C12orf76: variants seen among roughly 807,000 people sequenced by gnomAD.
C12orf76 encodes uncharacterized protein C12orf76.
Under a neutral mutation model 6.8 loss-of-function variants are expected in C12orf76, and 6 were observed. That is an observed-to-expected ratio of 0.88 (90% CI 0.48 to 1.73). The LOEUF (loss-of-function observed/expected upper bound fraction) is 1.73. Among genes scored for constraint, C12orf76 ranks in the 40% most tolerant of loss-of-function variants. C12orf76 has a pLI of 0.01. For synonymous variants in C12orf76, 56 were observed against 43.7 expected (o/e 1.28, Z -1.11); for missense variants, 99 against 98.2 (o/e 1.01, Z -0.03).
upstream of C12orf76, among the ~76,000 whole-genome samples, chr12:110,072,577 T>A (rs1465405483): frequency 2.6e-5 from 4 of 151,604 alleles, no homozygotes; most frequent in Non-Finnish European, 5.9e-5. Flanking sequence ...CTGAAAACCA[T>A]TAAATTGTAC....
At chr12:110,066,060 G>A (rs1171968074) in intron 1 of C12orf76, 2 of 1,511,204 alleles carry the variant, frequency 1.3e-6, no homozygotes, top group Non-Finnish European at 1.8e-6. Context: ...GGATGAGAAT[G>A]TGGCAGACCT....
chr12:110,050,843 G>T (rs183207348), upstream of C12orf76: 238 of 603,594 alleles, frequency 3.9e-4, 2 homozygotes, highest in East Asian at 6.0e-3. Context: ...TCTTTCTTGC[G>T]CTAGATCCAA....
chr12:110,048,526 A>C, upstream of C12orf76: 2 of 1,383,320 alleles, frequency 1.4e-6, no homozygotes, highest in South Asian at 3.2e-5. Flanking sequence ...CAGAGAGGCC[A>C]CTTCCGTCGC....
In C12orf76 at chr12:110,054,760, G is replaced by C. The variant is rs1892641385; in HGVS notation, n.664+2429C>G. On this transcript the variant is annotated intron_variant and non_coding_transcript_variant, in intron 4 of 4. Transcript: ENST00000309050. The surrounding 1 kb of genome is among the most constrained non-coding windows in gnomAD (Gnocchi z 4.4). ...ACATATGTAGACATATATGTGTTTAGAAATATAAAAACAAACAAGGGAATG... is the reference window on the plus strand; with the variant it reads ...ACATATGTAGACATATATGTGTTTACAAATATAAAAACAAACAAGGGAATG... 6.6e-6 allele frequency among the ~76,000 whole-genome samples: 1 copy of C among 152,206 alleles called. No homozygotes were observed. Among genetic ancestry groups the C allele is most frequent in the Non-Finnish European group, 1.5e-5 (1 of 68,042 alleles).
At chr12:110,044,038 A>AG (rs60108546) in intron 1 of C12orf76, 22 of 151,224 alleles carry the variant, frequency 1.5e-4, no homozygotes, top group African/African-American at 4.7e-4. Context: ...AAATAAAGAA[A>AG]AAAAAAAACT....
exon 2 of C12orf76, chr12:110,065,946 G>A: frequency 5.0e-6 from 8 of 1,613,724 alleles, no homozygotes; most frequent in East Asian, 2.2e-5. Context: ...CGTGTATCAC[G>A]TGGCTGGATT....
chr12:110,055,647 A>G (rs1408593311), intron 4 of C12orf76, among the ~76,000 whole-genome samples: 1 of 152,122 alleles, frequency 6.6e-6, no homozygotes, highest in Non-Finnish European at 1.5e-5. Context: ...GGGAGACCGG[A>G]GTTTTATTAT....
upstream of C12orf76, chr12:110,049,130 C>T (rs1397680335): frequency 6.6e-6 from 1 of 152,268 alleles, no homozygotes; most frequent in Non-Finnish European, 1.5e-5. Context: ...TGTTCTTGCT[C>T]TCTGCTCTGT....
chr12:110,052,617 G>A (rs1276319737), upstream of C12orf76, among the ~76,000 whole-genome samples: 3 of 152,176 alleles, frequency 2.0e-5, no homozygotes, highest in African/African-American at 4.8e-5. Context: ...GTGCCATCGC[G>A]TCCAGCCTAA....
At chr12:110,068,894 G>A (rs534348941), upstream of C12orf76, among the ~76,000 whole-genome samples, 1 of 152,092 alleles carries the variant, frequency 6.6e-6, no homozygotes, top group Non-Finnish European at 1.5e-5. Flanking sequence ...ACACCCCATT[G>A]GTATACCCGC....
At chr12:110,072,710 G>C (rs536296200) in intron 1 of C12orf76, among the ~76,000 whole-genome samples, 1 of 152,072 alleles carries the variant, frequency 6.6e-6, no homozygotes, top group Non-Finnish European at 1.5e-5. Context: ...ATCACATGAG[G>C]TCAGGAGTTC....
At chr12:110,073,336 A>G (rs923004308) in intron 1 of C12orf76, 4 of 473,160 alleles carry the variant, frequency 8.5e-6, no homozygotes, top group Non-Finnish European at 1.7e-5. Context: ...TGTGAGATTC[A>G]GAATGTGCAC....
intron 4 of C12orf76, chr12:110,056,949 CT>C (rs1892678805): frequency 6.0e-6 from 3 of 498,098 alleles, no homozygotes; most frequent in Non-Finnish European, 1.1e-5. Context: ...TCGAATATGT[CT>C]TTATTAGCAG....
upstream of C12orf76, among the ~76,000 whole-genome samples, chr12:110,053,100 G>A (rs1892609905): frequency 6.6e-6 from 1 of 151,822 alleles, no homozygotes; most frequent in African/African-American, 2.4e-5. Flanking sequence ...GCTGAGGCAG[G>A]AGAATCACTT....
At chr12:110,061,925 G>A (rs1566078085) in intron 2 of C12orf76, among the ~76,000 whole-genome samples, 1 of 152,116 alleles carries the variant, frequency 6.6e-6, no homozygotes, top group African/African-American at 2.4e-5. Context: ...ACACGACCTT[G>A]GACAAGTGAC....
chr12:110,047,388 C>G (rs1892477588), intron 1 of C12orf76, among the ~76,000 whole-genome samples: 1 of 152,126 alleles, frequency 6.6e-6, no homozygotes, highest in South Asian at 2.1e-4. Context: ...TTTTCCTTAT[C>G]TGAAAAATAG....
At chr12:110,068,276 AGAAG>A (rs1892908990), upstream of C12orf76, among the ~76,000 whole-genome samples, 1 of 136,806 alleles carries the variant, frequency 7.3e-6, no homozygotes, top group Admixed American at 7.4e-5. Context: ...AAGAAGAAGA[AGAAG>A]AAGAAGAAGA....
chr12:110,058,732 A>G (rs1435908927), intron 3 of C12orf76, among the ~76,000 whole-genome samples: 1 of 152,238 alleles, frequency 6.6e-6, no homozygotes, highest in Non-Finnish European at 1.5e-5. Flanking sequence ...GAATACAGGC[A>G]GTTCCATATG....
chr12:110,046,847 G>T (rs1892462446), intron 1 of C12orf76, among the ~76,000 whole-genome samples: 1 of 152,124 alleles, frequency 6.6e-6, no homozygotes, highest in African/African-American at 2.4e-5. Flanking sequence ...AGTAGGGGGT[G>T]CTACTGGTAT....
Sources: gnomAD v4.1 joint callset for allele counts (sites outside exome capture counted in the v4.1 genomes callset) on GRCh38, gnomAD v4.1.1 for gene constraint, Gnocchi (gnomAD v3.1) non-coding constraint, MANE v1.5 for transcripts, NCBI Gene and HGNC (gene_info 2026-07-23, HGNC 2026-07-21) for gene names.